SPTB: variants seen among roughly 807,000 people sequenced by gnomAD.
The protein encoded by SPTB is spectrin beta, erythrocytic.
Under a neutral mutation model 256.2 loss-of-function variants are expected in SPTB, and 45 were observed. The ratio of observed to expected loss-of-function variants is 0.18; its 90% CI spans 0.14 to 0.23. The LOEUF (loss-of-function observed/expected upper bound fraction) is 0.23. SPTB is among the 10% of genes least tolerant of loss of function. The probability of loss-of-function intolerance (pLI) is 1.00; values close to 1 mark genes in which losing one functional copy is unlikely to be tolerated. For synonymous variants in SPTB, 1,231 were observed against 1,243.1 expected (o/e 0.99, Z 0.21); for missense variants, 2,715 against 3,040.4 (o/e 0.89, Z 2.52).
At chr14:64,782,197 A>G in intron 20 of SPTB, 93 bp downstream of exon 20, 2 of 1,574,868 alleles carry the variant, frequency 1.3e-6, no homozygotes, top group Non-Finnish European at 1.7e-6. Context: ...CTTCACATGT[A>G]CCCCCAAACC....
chr14:64,776,548 C>T (rs61067310), intron 22 of SPTB, among the ~76,000 whole-genome samples: 3,166 of 152,244 alleles, frequency 0.021, 118 homozygotes, highest in African/African-American at 0.072. Flanking sequence ...TCAGATGATT[C>T]TCCCACCTCA....
rs1416644665 is a variant in SPTB, at chr14:64,766,863, A to T, written c.6270-62T>A. 5.0e-6 allele frequency: 8 copies of T among 1,589,622 alleles called. No homozygotes were observed. In the African/African-American group the frequency reaches 1.1e-4, roughly 21 times the overall value. On this transcript the variant is annotated intron_variant, in intron 31 of 35. Coordinates refer to ENST00000644917, the MANE Select transcript of SPTB (RefSeq NM_001355436.2). The stretch of plus-strand genomic sequence containing the variant: ...CCCTCTGAGGCCAGTGCCTCCTGCG[A>T]GGCCTGGCTTTTCACCTGCGCCCAC...
intron 1 of SPTB, among the ~76,000 whole-genome samples, chr14:64,856,564 C>T (rs556624978): frequency 4.8e-4 from 73 of 152,250 alleles, no homozygotes; most frequent in Middle Eastern, 3.4e-3. Context: ...CTCACCAAGC[C>T]TTCTTCCATT....
intron 20 of SPTB, among the ~76,000 whole-genome samples, chr14:64,780,689 A>G (rs2082454061): frequency 6.6e-6 from 1 of 152,250 alleles, no homozygotes; most frequent in African/African-American, 2.4e-5. Flanking sequence ...CTGGGATTAC[A>G]GGCATGAGCC....
chr14:64,859,701 T>A (rs1398942567), intron 1 of SPTB, among the ~76,000 whole-genome samples: 1 of 14,982 alleles, frequency 6.7e-5, no homozygotes, highest in Non-Finnish European at 3.3e-4. Flanking sequence ...TCTGTCTCTC[T>A]CTCTCTCTCT....
rs979795823 is a variant in SPTB, at chr14:64,847,208, A to G, written c.-51-24063T>C. ...TTAAAACAGAATTTCACTAGGAAAC[A>G]GTGACCCCAAAGGCCAGCGAAGACA... On this transcript the variant is annotated intron_variant, in intron 1 of 35. Transcript: ENST00000644917. The surrounding 1 kb of genome is among the most constrained non-coding windows in gnomAD (Gnocchi z 5.9). Among the ~76,000 whole-genome samples the G allele has an allele frequency of 3.9e-5, 6 of 152,250 alleles. No individual in the cohort carries two copies. Among genetic ancestry groups the G allele is most frequent in the Admixed American group, 1.3e-4 (2 of 15,290 alleles).
At chr14:64,812,062 T>TA (rs1316481101) in intron 2 of SPTB, among the ~76,000 whole-genome samples, 2 of 152,156 alleles carry the variant, frequency 1.3e-5, no homozygotes, top group Non-Finnish European at 2.9e-5. Flanking sequence ...ATTTTTTAAT[T>TA]AAAAAAAATT....
Position 64,806,993 on chromosome 14 carries a change from G to A in SPTB, c.149-1903C>T, listed in dbSNP as rs564787507. On this transcript the variant is annotated intron_variant, in intron 2 of 35. Transcript: ENST00000644917. The surrounding 1 kb of genome is among the most constrained non-coding windows in gnomAD (Gnocchi z 4.1). ...CAACAGCAAATTAAACCACTTTCCT[G>A]ATTTCAAATGCTGCTTCAGCGAAAT... is the stretch of plus-strand genomic sequence containing the variant. 2.6e-5 allele frequency among the ~76,000 whole-genome samples: 4 copies of A among 152,192 alleles called. No homozygotes were observed. The highest frequency in any genetic ancestry group is 5.9e-5 in the Non-Finnish European group (4 of 68,028).
Position 64,796,317 on chromosome 14 carries a change from A to G in SPTB, c.1341+240T>C, listed in dbSNP as rs1440398845. Among the ~76,000 whole-genome samples, 2 of 152,206 alleles carry G rather than the reference A, an allele frequency of 1.3e-5. No homozygotes were observed. Among genetic ancestry groups the G allele is most frequent in the African/African-American group, 2.4e-5 (1 of 41,456 alleles). ...CAGCTGTAGTTGACACTACAGGCCC[A>G]CATAAGACAACTTCAGCGGCCAGTT... On this transcript the variant is annotated intron_variant, in intron 11 of 35. Transcript: ENST00000644917. This position sits in a 1 kb window ranked among gnomAD's most constrained non-coding sequence, Gnocchi z 4.1.
chr14:64,870,244 T>A (rs1357277120), intron 1 of SPTB, among the ~76,000 whole-genome samples: 1 of 150,638 alleles, frequency 6.6e-6, no homozygotes, highest in Non-Finnish European at 1.5e-5. Flanking sequence ...TACAGAGGAA[T>A]CCACAAGGAA....
At position 64,774,384 on chromosome 14, in the gene SPTB, G is replaced by A. The variant is rs368154394; in HGVS notation, c.4973+13C>T. 238 of 1,584,796 alleles carry A rather than the reference G, an allele frequency of 1.5e-4. No homozygotes were observed. In the Middle Eastern group the frequency reaches 2.7e-3, roughly 18 times the overall value. ...CCATCTCCTGACCGAGTCACCACAG[G>A]GGGCGCACGCACCCCTCAGGGTGGC... On this transcript the variant is annotated intron_variant, in intron 24 of 35. Coordinates refer to ENST00000644917, the MANE Select transcript of SPTB (RefSeq NM_001355436.2).
At chr14:64,768,981 A>C in intron 29 of SPTB, 53 bp downstream of exon 29, 2 of 1,428,104 alleles carry the variant, frequency 1.4e-6, no homozygotes, top group East Asian at 2.3e-5. Context: ...CCATTCCCCT[A>C]CTCCTGCGGG....
At chr14:64,842,410 A>G (rs779868261) in intron 1 of SPTB, among the ~76,000 whole-genome samples, 1 of 152,138 alleles carries the variant, frequency 6.6e-6, no homozygotes. Flanking sequence ...ACCAGGCAGT[A>G]GGGGGTAGTG....
In SPTB at chr14:64,786,554, C is replaced by A. The variant is rs1382250790; in HGVS notation, c.3411G>T (p.Leu1137=). 8 of 1,614,092 alleles carry A rather than the reference C, an allele frequency of 5.0e-6. No homozygotes were observed. The highest frequency in any genetic ancestry group is 6.8e-6 in the Non-Finnish European group (8 of 1,180,044). ...VIQGQTDPEY[L]LLGQRLEGLD... ...GGCCCTCCAGCCGCTGGCCCAGAAG[C>A]AGATACTCTGGGTCCGTCTGGCCTT... is the stretch of plus-strand genomic sequence containing the variant. The change falls in exon 16 of 36, where the codon CTG becomes CTT. Residue 1137 remains leucine (L), a synonymous_variant. Transcript: ENST00000644917. The surrounding 1 kb of genome is among the most constrained non-coding windows in gnomAD (Gnocchi z 5.6).
At chr14:64,831,407 G>A (rs1052389702) in intron 1 of SPTB, among the ~76,000 whole-genome samples, 4 of 152,184 alleles carry the variant, frequency 2.6e-5, no homozygotes, top group African/African-American at 9.7e-5. Flanking sequence ...GGACATGAAC[G>A]GGTAATTCAT....
intron 1 of SPTB, among the ~76,000 whole-genome samples, chr14:64,878,126 G>A (rs566623554): frequency 6.6e-6 from 1 of 152,220 alleles, no homozygotes; most frequent in South Asian, 2.1e-4. Context: ...CTGGGGCACT[G>A]ATAAAGCTAA....
In SPTB at chr14:64,759,596, G is replaced by A. The variant is rs17767274; in HGVS notation, c.6346-5803C>T. Among the ~76,000 whole-genome samples the A allele has an allele frequency of 7.1e-3, 1,077 of 152,372 alleles. 5 individuals carry two copies. The highest frequency in any genetic ancestry group is 0.014 in the African/African-American group (591 of 41,590). On this transcript the variant is annotated intron_variant, in intron 32 of 35. Coordinates refer to ENST00000644917, the MANE Select transcript of SPTB (RefSeq NM_001355436.2). This position sits in a 1 kb window ranked among gnomAD's most constrained non-coding sequence, Gnocchi z 4.8. Reference sequence around the variant, plus strand: ...GACAGAGAGCACCAGGAGGGGCGATGCTGGCTACTCATGTGGCTGAGATGT... The same window carrying A: ...GACAGAGAGCACCAGGAGGGGCGATACTGGCTACTCATGTGGCTGAGATGT...
intron 32 of SPTB, 129 bp from the exon 33 acceptor site, chr14:64,753,922 C>A (rs141953610): frequency 3.2e-6 from 4 of 1,259,310 alleles, no homozygotes; most frequent in African/African-American, 2.9e-5. Context: ...TCTACTCCCA[C>A]CTCCTGGCCC....
chr14:64,764,061 T>C lies in SPTB; in HGVS notation c.6345+2665A>G, dbSNP rs2082131686. ...CATGAAGCAACACCGCATGGATCTA[T>C]TCTGTAGGGCACCGACACCAGACCA... is the stretch of plus-strand genomic sequence containing the variant. On this transcript the variant is annotated intron_variant, in intron 32 of 35. Transcript: ENST00000644917. The surrounding 1 kb of genome is among the most constrained non-coding windows in gnomAD (Gnocchi z 4.2). 6.6e-6 allele frequency among the ~76,000 whole-genome samples: 1 copy of C among 152,172 alleles called. No individual in the cohort carries two copies. The highest frequency in any genetic ancestry group is 2.4e-5 in the African/African-American group (1 of 41,444).
Sources: allele counts gnomAD v4.1 joint callset (sites outside exome capture counted in the v4.1 genomes callset), GRCh38; gene constraint gnomAD v4.1.1; non-coding constraint Gnocchi (gnomAD v3.1); transcripts MANE v1.5; gene names NCBI Gene and HGNC (gene_info 2026-07-23, HGNC 2026-07-21).